GATA4: variants seen among roughly 807,000 people sequenced by gnomAD.
GATA4 encodes the protein transcription factor GATA-4.
In GATA4, 7 loss-of-function variants were observed where a neutral mutation model predicts 37.9. The observed-to-expected ratio is 0.18, with a 90% CI of 0.11 to 0.35. The LOEUF is 0.35. Among genes scored for constraint, GATA4 ranks in the 10% least tolerant of loss-of-function variants. The pLI is 1.00. For synonymous variants in GATA4, 372 were observed against 292.6 expected (o/e 1.27, Z -2.77); for missense variants, 647 against 653.0 (o/e 0.99, Z 0.10).
chr8:11,712,674 A>G (rs1800243764), intron 2 of GATA4, among the ~76,000 whole-genome samples: 1 of 147,218 alleles, frequency 6.8e-6, no homozygotes, highest in Non-Finnish European at 1.5e-5. Context: ...TGGACAACAT[A>G]GTGAGACCAC....
chr8:11,738,568 C>T (rs1011553222), intron 2 of GATA4, among the ~76,000 whole-genome samples: 1 of 152,172 alleles, frequency 6.6e-6, no homozygotes, highest in East Asian at 1.9e-4. Context: ...TTTTTCCAGT[C>T]CTCTGCTATG....
rs1022966030 is a variant in GATA4 at position 11,707,922 on chromosome 8, C to T, written c.-391C>T. ...TTCTGCGCCTGTGGCCGCGGGTGTCCTGGAGGCCTCTCGGTGTGACGAGTG... is the reference window on the plus strand; with the variant it reads ...TTCTGCGCCTGTGGCCGCGGGTGTCTTGGAGGCCTCTCGGTGTGACGAGTG... On this transcript the variant is annotated 5_prime_UTR_variant, in exon 2 of 7. Transcript: ENST00000532059. This position sits in a 1 kb window ranked among gnomAD's most constrained non-coding sequence, Gnocchi z 4.7. The T allele has an allele frequency of 3.1e-6, 1 of 322,996 alleles. No individual in the cohort carries two copies. The highest frequency in any genetic ancestry group is 2.3e-5 in the African/African-American group (1 of 44,114). The allele number at this position is 322,996 out of a possible 1,614,324, so 20.0% of individuals were successfully genotyped here.
At chr8:11,681,533 G>A (rs1798974725) in intron 1 of GATA4, 7 of 886,600 alleles carry the variant, frequency 7.9e-6, no homozygotes, top group South Asian at 5.2e-5. Context: ...TCTCGGGAAC[G>A]GCTGCTGTTG....
intron 2 of GATA4, among the ~76,000 whole-genome samples, chr8:11,731,326 A>G (rs1265823094): frequency 6.6e-6 from 1 of 152,266 alleles, no homozygotes; most frequent in African/African-American, 2.4e-5. Context: ...AAAAGGTGGA[A>G]GTAGCCTAGG....
intron 1 of GATA4, among the ~76,000 whole-genome samples, chr8:11,694,226 C>A (rs1258437889): frequency 6.6e-6 from 1 of 152,182 alleles, no homozygotes; most frequent in Non-Finnish European, 1.5e-5. Context: ...TAAATGTTTG[C>A]TTTGTGAATT....
At chr8:11,690,897 T>C (rs1383110243), upstream of GATA4, among the ~76,000 whole-genome samples, 8 of 152,222 alleles carry the variant, frequency 5.3e-5, no homozygotes. Flanking sequence ...AAAGGTTATG[T>C]AAGAAGATAC....
chr8:11,721,541 G>A (rs544278267), intron 2 of GATA4, among the ~76,000 whole-genome samples: 20 of 152,134 alleles, frequency 1.3e-4, no homozygotes, highest in African/African-American at 4.3e-4. Context: ...ATCGGAGAAG[G>A]AACTCTGGTT....
At chr8:11,699,550 G>A (rs1337412912), upstream of GATA4, among the ~76,000 whole-genome samples, 5 of 152,244 alleles carry the variant, frequency 3.3e-5, no homozygotes, top group South Asian at 2.1e-4. Flanking sequence ...TCCTTGGATG[G>A]GGAGGGAGAG....
intron 2 of GATA4, among the ~76,000 whole-genome samples, chr8:11,726,051 G>A (rs1481745260): frequency 6.6e-6 from 1 of 152,216 alleles, no homozygotes; most frequent in East Asian, 1.9e-4. Context: ...CAAGAATTAT[G>A]CCACATTTCC....
At chr8:11,731,469 C>T (rs560046434) in intron 2 of GATA4, among the ~76,000 whole-genome samples, 11 of 152,344 alleles carry the variant, frequency 7.2e-5, no homozygotes, top group African/African-American at 2.6e-4. Context: ...TGAAACAAGC[C>T]AGTCACCAAA....
intron 2 of GATA4, among the ~76,000 whole-genome samples, chr8:11,712,000 G>C (rs1023183702): frequency 7.2e-5 from 11 of 152,142 alleles, no homozygotes; most frequent in African/African-American, 2.4e-4. Flanking sequence ...CCTAGATTCA[G>C]TTCCAGGAGC....
At chr8:11,704,569 C>A (rs554595047) in intron 1 of GATA4, among the ~76,000 whole-genome samples, 3 of 152,260 alleles carry the variant, frequency 2.0e-5, no homozygotes, top group Non-Finnish European at 2.9e-5. Context: ...TGAACGCTTT[C>A]AATCCCTGTC....
chr8:11,714,462 G>C (rs977098229), intron 2 of GATA4, among the ~76,000 whole-genome samples: 1 of 152,214 alleles, frequency 6.6e-6, no homozygotes, highest in Non-Finnish European at 1.5e-5. Context: ...CGGTTCATTT[G>C]TGCAGGGAAC....
chr8:11,757,124 G>C (rs772968173), intron 6 of GATA4, 41 bp downstream of exon 6: 3 of 1,610,176 alleles, frequency 1.9e-6, no homozygotes, highest in Non-Finnish European at 2.5e-6. Flanking sequence ...TTTGTGGGGA[G>C]GCCGACTGCA....
Position 11,758,557 on chromosome 8 carries a change from G to A in GATA4, c.*82G>A. 7.3e-7 allele frequency: 1 copy of A among 1,378,018 alleles called. No homozygotes were observed. The highest frequency in any genetic ancestry group is 1.0e-6 in the Non-Finnish European group (1 of 967,224). The allele number at this position is 1,378,018 out of a possible 1,614,324, so 85.4% of individuals were successfully genotyped here. A position where few individuals can be genotyped will look rare whatever the true frequency, so the allele number is the denominator to read the frequency against. On this transcript the variant is annotated 3_prime_UTR_variant, in exon 7 of 7. Coordinates refer to ENST00000532059, the MANE Select transcript of GATA4 (RefSeq NM_001308093.3). ...AGAAGGAGGCCCTGGGCTCCCAGGG[G>A]CCGGCCTCCTCTGCCTGGTAATGAC...
intron 2 of GATA4, among the ~76,000 whole-genome samples, chr8:11,715,431 TTAAAG>T (rs1800393698): frequency 6.6e-6 from 1 of 152,140 alleles, no homozygotes; most frequent in Non-Finnish European, 1.5e-5. Flanking sequence ...TACAGGGAAG[TTAAAG>T]TTAAGTTTAA....
rs1358219259 is a variant in GATA4, at chr8:11,749,561, T to A, written c.786+476T>A. ...TTGGGCCCCGTGGCTAGGGAAGAGT[T>A]TGGGCCTGGGGCTTGGCTCCTGGCT... On this transcript the variant is annotated intron_variant, in intron 3 of 6. Transcript: ENST00000532059. This position sits in a 1 kb window ranked among gnomAD's most constrained non-coding sequence, Gnocchi z 4.6. 6.6e-6 allele frequency among the ~76,000 whole-genome samples: 1 copy of A among 152,174 alleles called. No homozygotes were observed. The highest frequency in any genetic ancestry group is 1.5e-5 in the Non-Finnish European group (1 of 68,018).
rs1391624685 is a variant in GATA4, at chr8:11,723,352, A to G, written c.616+14424A>G. Among the ~76,000 whole-genome samples, 20 of 151,966 alleles carry G rather than the reference A, an allele frequency of 1.3e-4. 1 individual carries two copies. The highest frequency in any genetic ancestry group is 1.3e-3 in the Admixed American group (20 of 15,252). The stretch of plus-strand genomic sequence containing the variant: ...CAAGACCCTGTGTTAAAAAAAAAAA[A>G]CAAAAAAACCTCATGGGTTTAAACA... On this transcript the variant is annotated intron_variant, in intron 2 of 6. Coordinates refer to ENST00000532059, the MANE Select transcript of GATA4 (RefSeq NM_001308093.3).
chr8:11,690,629 G>C (rs182451185), upstream of GATA4, among the ~76,000 whole-genome samples: 117 of 152,312 alleles, frequency 7.7e-4, no homozygotes, highest in Non-Finnish European at 1.2e-4. Context: ...TGGAGGTTAA[G>C]CAAGAGGGCA....
Sources: gnomAD v4.1 joint callset for allele counts (sites outside exome capture counted in the v4.1 genomes callset) on GRCh38, gnomAD v4.1.1 for gene constraint, Gnocchi (gnomAD v3.1) non-coding constraint, MANE v1.5 for transcripts, NCBI Gene and HGNC (gene_info 2026-07-23, HGNC 2026-07-21) for gene names.